The following SLF1 variants were observed in gnomAD, a reference collection of about 807,000 sequenced individuals.
The protein encoded by SLF1 is SMC5-SMC6 complex localization factor protein 1.
SLF1 carries 105 observed loss-of-function variants against 123.0 expected under a neutral mutation model. The ratio of observed to expected loss-of-function variants is 0.85; its 90% CI spans 0.73 to 1.00. SLF1 has a LOEUF of 1.00. SLF1 is among the 50% of genes least tolerant of loss of function. The pLI, the probability that SLF1 is intolerant of heterozygous loss-of-function variation, is 0.00. For synonymous variants in SLF1, 434 were observed against 406.6 expected, an observed-to-expected ratio of 1.07 and a Z score of -0.81; for missense variants, 1,239 against 1,223.0, an observed-to-expected ratio of 1.01 and a Z score of -0.20.
intron 4 of SLF1, among the ~76,000 whole-genome samples, chr5:94,635,736 A>G (rs995918352): frequency 6.6e-6 from 1 of 152,070 alleles, no homozygotes; most frequent in African/African-American, 2.4e-5. Context: ...GTCAAAATTT[A>G]TATTATTTTC....
At chr5:94,649,074 A>G (rs923581517) in intron 5 of SLF1, among the ~76,000 whole-genome samples, 2 of 152,212 alleles carry the variant, frequency 1.3e-5, no homozygotes, top group Non-Finnish European at 2.9e-5. Flanking sequence ...TTACCAGGAA[A>G]AAACTGAAAA....
chr5:94,689,396 T>TA (rs1372729299), intron 17 of SLF1, 77 bp from the exon 18 acceptor site: 40 of 1,438,674 alleles, frequency 2.8e-5, no homozygotes, highest in Non-Finnish European at 3.6e-5. Context: ...GCTAGACTTT[T>TA]AAAAAATACC....
chr5:94,647,677 A>G (rs1747215535), intron 5 of SLF1, among the ~76,000 whole-genome samples: 1 of 152,252 alleles, frequency 6.6e-6, no homozygotes, highest in Non-Finnish European at 1.5e-5. Flanking sequence ...AGATACTTAT[A>G]AGGAATAAAA....
chr5:94,641,166 A>C (rs1314751296), intron 4 of SLF1, among the ~76,000 whole-genome samples: 3 of 152,022 alleles, frequency 2.0e-5, no homozygotes, highest in Non-Finnish European at 2.9e-5. Context: ...GCTATGGTGA[A>C]TGTTGTTCCC....
intron 17 of SLF1, 89 bp from the exon 18 acceptor site, chr5:94,689,384 G>GGGC: frequency 7.5e-7 from 1 of 1,328,658 alleles, no homozygotes; most frequent in South Asian, 1.6e-5. Flanking sequence ...AATTAAAAGG[G>GGGC]GGCTAGACTT....
Position 94,653,480 on chromosome 5 carries a change from T to C in SLF1, c.1032+59T>C, listed in dbSNP as rs1428220159. 3.0e-6 allele frequency: 4 copies of C among 1,336,000 alleles called. No homozygotes were observed. In the South Asian group the frequency reaches 5.8e-5, roughly 20 times the overall value. 82.8% of individuals were successfully genotyped at this position (1,336,000 alleles called of 1,614,324 possible). A position where few individuals can be genotyped will look rare whatever the true frequency, so the allele number is the denominator to read the frequency against. Reference sequence around the variant, plus strand: ...TTTATTTTTTGGCTGTTCTCTGATATAATCTAGATATATAATGCTACATGT... The same window carrying C: ...TTTATTTTTTGGCTGTTCTCTGATACAATCTAGATATATAATGCTACATGT... On this transcript the variant is annotated intron_variant, in intron 8 of 20. Coordinates refer to ENST00000265140, the MANE Select transcript of SLF1 (RefSeq NM_032290.4).
chr5:94,667,160 C>T (rs1749862683), intron 12 of SLF1, among the ~76,000 whole-genome samples: 1 of 152,004 alleles, frequency 6.6e-6, no homozygotes, highest in Non-Finnish European at 1.5e-5. Context: ...TTAACAAATT[C>T]TTGAGTACTT....
At chr5:94,681,486 CTTTT>C (rs1330358732) in intron 15 of SLF1, among the ~76,000 whole-genome samples, 12 of 152,072 alleles carry the variant, frequency 7.9e-5, no homozygotes, top group Admixed American at 7.9e-4. Context: ...TTTCTATTTT[CTTTT>C]TTATTTTTTA....
At chr5:94,631,212 C>CT (rs1225459728) in intron 4 of SLF1, among the ~76,000 whole-genome samples, 22 of 146,878 alleles carry the variant, frequency 1.5e-4, no homozygotes, top group South Asian at 8.7e-4. Flanking sequence ...ACTGCTGTTA[C>CT]TTTTTTTTTT....
intron 5 of SLF1, among the ~76,000 whole-genome samples, chr5:94,645,621 A>G (rs1044953780): frequency 2.6e-5 from 4 of 152,244 alleles, no homozygotes; most frequent in African/African-American, 9.6e-5. Context: ...ACCATGCATT[A>G]TCTACAATAT....
chr5:94,643,806 C>T (rs578001370), intron 5 of SLF1, among the ~76,000 whole-genome samples: 2 of 152,166 alleles, frequency 1.3e-5, no homozygotes, highest in East Asian at 3.9e-4. Flanking sequence ...ACATCCTCCT[C>T]CTTACTTGGT....
rs1747734971 is a variant in SLF1, at chr5:94,651,603, TA to T, written c.739-98del. On this transcript the variant is annotated intron_variant, in intron 6 of 20. Transcript: ENST00000265140. ...CCTTGTATGTATATTTTACAAAATCTATGTTCCTGGATGGGTTTTTCTTTTG... is the reference window on the plus strand; with the variant it reads ...CCTTGTATGTATATTTTACAAAATCTTGTTCCTGGATGGGTTTTTCTTTTG... 1.4e-5 allele frequency: 14 copies of T among 970,888 alleles called. No individual in the cohort carries two copies. In the South Asian group the frequency reaches 2.6e-4, roughly 18 times the overall value. 60.1% of individuals were successfully genotyped at this position (970,888 alleles called of 1,614,324 possible). A position where few individuals can be genotyped will look rare whatever the true frequency, so the allele number is the denominator to read the frequency against.
intron 4 of SLF1, among the ~76,000 whole-genome samples, chr5:94,642,307 T>C (rs1209353253): frequency 3.9e-5 from 6 of 152,196 alleles, no homozygotes; most frequent in Non-Finnish European, 7.3e-5. Context: ...TTCATGAGCA[T>C]TTAATGGAGT....
At chr5:94,652,194 A>G (rs1335937234) in intron 7 of SLF1, among the ~76,000 whole-genome samples, 2 of 152,018 alleles carry the variant, frequency 1.3e-5, no homozygotes, top group Admixed American at 6.5e-5. Context: ...TTTTTTCAGT[A>G]GAGACTGGGT....
intron 9 of SLF1, 83 bp downstream of exon 9, chr5:94,654,835 AC>A: frequency 1.9e-5 from 19 of 1,006,586 alleles, no homozygotes; most frequent in South Asian, 5.8e-5. Context: ...ATACATATAT[AC>A]ATATGATTCA....
chr5:94,650,803 T>C (rs1747620100), intron 6 of SLF1, among the ~76,000 whole-genome samples: 1 of 152,194 alleles, frequency 6.6e-6, no homozygotes, highest in African/African-American at 2.4e-5. Flanking sequence ...TGAGAAGCTT[T>C]TTTGAGTTGA....
At chr5:94,670,787 T>G (rs1750350158) in intron 13 of SLF1, 56 bp from the exon 14 acceptor site, 1 of 1,317,978 alleles carries the variant, frequency 7.6e-7, no homozygotes, top group Admixed American at 2.3e-5. Context: ...AGATGTCAAG[T>G]AATTGTCATG....
intron 4 of SLF1, among the ~76,000 whole-genome samples, chr5:94,640,898 A>G (rs550039628): frequency 6.6e-6 from 1 of 152,326 alleles, no homozygotes; most frequent in South Asian, 2.1e-4. Context: ...CAGTTATGTT[A>G]AAGTTGTTTT....
chr5:94,687,124 T>A lies in SLF1; in HGVS notation c.2121+406T>A, dbSNP rs1364360742. ...AAGTAAGTAGGCAGAATATATTAAT[T>A]CATAAATATTTCAATTCTGTATAAA... On this transcript the variant is annotated intron_variant, in intron 16 of 20. Transcript: ENST00000265140. Among the ~76,000 whole-genome samples, 9 of 152,224 alleles carry A rather than the reference T, an allele frequency of 5.9e-5. No homozygotes were observed. In the East Asian group the frequency reaches 1.7e-3, roughly 29 times the overall value.
Sources: gnomAD v4.1 joint callset for allele counts (sites outside exome capture counted in the v4.1 genomes callset) on GRCh38, gnomAD v4.1.1 for gene constraint, MANE v1.5 for transcripts, NCBI Gene and HGNC (gene_info 2026-07-23, HGNC 2026-07-21) for gene names.